NUBPL: variants seen among roughly 807,000 people sequenced by gnomAD.
NUBPL encodes iron-sulfur cluster transfer protein NUBPL.
NUBPL carries 31 observed loss-of-function variants against 45.7 expected under a neutral mutation model. The ratio of observed to expected loss-of-function variants is 0.68; its 90% CI spans 0.51 to 0.92. The LOEUF (loss-of-function observed/expected upper bound fraction) is 0.92, where lower values mean the gene tolerates loss of function less well. Among genes scored for constraint, NUBPL ranks in the 40% least tolerant of loss-of-function variants. NUBPL has a pLI of 0.00. For synonymous variants in NUBPL, 144 were observed against 140.9 expected (o/e 1.02, Z -0.15); for missense variants, 401 against 398.7 (o/e 1.01, Z -0.05).
At chr14:31,631,177 A>G (rs1221582360) in intron 4 of NUBPL, among the ~76,000 whole-genome samples, 1 of 151,898 alleles carries the variant, frequency 6.6e-6, no homozygotes, top group African/African-American at 2.4e-5. Context: ...CTGTAATTCC[A>G]TGTCTAAAAC....
At chr14:31,619,586 T>C (rs977119262) in intron 4 of NUBPL, among the ~76,000 whole-genome samples, 4 of 152,226 alleles carry the variant, frequency 2.6e-5, no homozygotes, top group Non-Finnish European at 4.4e-5. Flanking sequence ...GAAAATTCTT[T>C]TCTTTATGAA....
chr14:31,562,456 C>T (rs922944648), intron 2 of NUBPL, among the ~76,000 whole-genome samples: 1 of 152,138 alleles, frequency 6.6e-6, no homozygotes. Flanking sequence ...TACAGCAAAT[C>T]TTCAGTTCAC....
At chr14:31,627,533 C>T (rs944994734) in intron 4 of NUBPL, among the ~76,000 whole-genome samples, 2 of 151,982 alleles carry the variant, frequency 1.3e-5, no homozygotes, top group Non-Finnish European at 2.9e-5. Flanking sequence ...AATCCCAGCA[C>T]TTTAGGAGGC....
At chr14:31,792,544 A>G (rs1236386400) in intron 7 of NUBPL, among the ~76,000 whole-genome samples, 2 of 152,148 alleles carry the variant, frequency 1.3e-5, no homozygotes, top group Non-Finnish European at 2.9e-5. Context: ...ATAGAGTTGT[A>G]GCAGGCAGTG....
At chr14:31,631,234 G>A (rs2035333851) in intron 4 of NUBPL, among the ~76,000 whole-genome samples, 1 of 151,858 alleles carries the variant, frequency 6.6e-6, no homozygotes, top group South Asian at 2.1e-4. Context: ...ACAGGTGTCT[G>A]TGTGTGTGTG....
At chr14:31,776,314 T>G (rs2039097232) in intron 6 of NUBPL, among the ~76,000 whole-genome samples, 2 of 152,178 alleles carry the variant, frequency 1.3e-5, no homozygotes, top group South Asian at 4.1e-4. Flanking sequence ...CTTTCGTGGC[T>G]CCTTTACAAG....
rs559284588 is a variant in NUBPL, at chr14:31,679,410, T to C, written c.513+5836T>C. Among the ~76,000 whole-genome samples the C allele has an allele frequency of 2.6e-5, 4 of 152,320 alleles. No individual in the cohort carries two copies. In the South Asian group the frequency reaches 8.3e-4, roughly 32 times the overall value. ...TCTCTCTCTTATGTTCTCAAAGCTT[T>C]ATAGTTCTGTCTTGTACATCTTGAA... On this transcript the variant is annotated intron_variant, in intron 6 of 10. Coordinates refer to ENST00000281081, the MANE Select transcript of NUBPL (RefSeq NM_025152.3).
At chr14:31,613,393 A>C (rs73271227) in intron 4 of NUBPL, among the ~76,000 whole-genome samples, 263 of 152,280 alleles carry the variant, frequency 1.7e-3, no homozygotes, top group African/African-American at 5.9e-3. Context: ...ATAGCACAGC[A>C]AGGTAACTGT....
intron 7 of NUBPL, chr14:31,801,204 C>T (rs2039582736): frequency 6.6e-6 from 1 of 152,242 alleles, no homozygotes. Flanking sequence ...CAAATTCTTT[C>T]TCCTCCCACA....
At chr14:31,625,959 A>G (rs2035194188) in intron 4 of NUBPL, among the ~76,000 whole-genome samples, 1 of 152,148 alleles carries the variant, frequency 6.6e-6, no homozygotes, top group Non-Finnish European at 1.5e-5. Context: ...GCATAAAGAG[A>G]AACAAGAGAG....
In NUBPL at chr14:31,561,492, G is replaced by T; in HGVS notation, c.53G>T (p.Gly18Val). The change falls in exon 1 of 11, where the codon GGT becomes GTT. Residue 18 changes from glycine to valine, a missense_variant. By Grantham distance (109) the Gly-to-Val change is moderately radical. Transcript: ENST00000281081. ...TTTGGTGGGGTGTCGCTCCGGGCTG[G>T]TGGCGGGGCCACTGCCCCGCTTGGG... ...LLFGGVSLRA[G>V]GGATAPLGGS... 1 of 1,401,254 alleles carries T rather than the reference G, an allele frequency of 7.1e-7. No individual in the cohort carries two copies. The allele number at this position is 1,401,254 out of a possible 1,614,324, so 86.8% of individuals were successfully genotyped here.
intron 4 of NUBPL, among the ~76,000 whole-genome samples, chr14:31,671,959 T>G (rs1046934132): frequency 6.6e-6 from 1 of 152,216 alleles, no homozygotes; most frequent in Non-Finnish European, 1.5e-5. Context: ...TCCTAGACTT[T>G]TTGCCCAATA....
intron 6 of NUBPL, among the ~76,000 whole-genome samples, chr14:31,707,281 A>G (rs754671309): frequency 7.9e-5 from 12 of 152,258 alleles, no homozygotes; most frequent in Non-Finnish European, 1.6e-4. Context: ...ACAAGGTGGT[A>G]TTGGATTGTT....
chr14:31,673,007 C>G (rs2036608062), intron 4 of NUBPL, among the ~76,000 whole-genome samples: 1 of 152,146 alleles, frequency 6.6e-6, no homozygotes, highest in Non-Finnish European at 1.5e-5. Context: ...TTCAGTTAGA[C>G]AGGGGGAATA....
chr14:31,787,252 C>A (rs1002480411), intron 6 of NUBPL, among the ~76,000 whole-genome samples: 1 of 151,860 alleles, frequency 6.6e-6, no homozygotes, highest in East Asian at 1.9e-4. Context: ...GGTGAATATT[C>A]TGGGTATAAA....
Position 31,807,448 on chromosome 14 carries a change from T to C in NUBPL, c.608-19181T>C, listed in dbSNP as rs1237305908. ...TTGAGAAGTGTCTGTTCATATCCTT[T>C]GCCCACTTTTTGATGGGGTTGTTTG... On this transcript the variant is annotated intron_variant, in intron 7 of 10. Coordinates refer to ENST00000281081, the MANE Select transcript of NUBPL (RefSeq NM_025152.3). 4.6e-5 allele frequency among the ~76,000 whole-genome samples: 7 copies of C among 152,312 alleles called. No homozygotes were observed. In the East Asian group the frequency reaches 5.8e-4, roughly 13 times the overall value.
chr14:31,799,869 A>G (rs2039551396), intron 7 of NUBPL, among the ~76,000 whole-genome samples: 1 of 152,246 alleles, frequency 6.6e-6, no homozygotes, highest in Non-Finnish European at 1.5e-5. Flanking sequence ...TCTTCCTTTC[A>G]GGAAAGATAG....
chr14:31,770,500 T>G (rs779429928), intron 6 of NUBPL, among the ~76,000 whole-genome samples: 8 of 152,098 alleles, frequency 5.3e-5, no homozygotes, highest in Non-Finnish European at 1.0e-4. Context: ...TCTCAAAAGG[T>G]CAATCTTAGG....
At chr14:31,843,587 A>G (rs1303170308) in intron 8 of NUBPL, among the ~76,000 whole-genome samples, 1 of 152,206 alleles carries the variant, frequency 6.6e-6, no homozygotes, top group Non-Finnish European at 1.5e-5. Context: ...ACCTTAATAT[A>G]GCCTACAAGC....
Sources: allele counts gnomAD v4.1 joint callset (sites outside exome capture counted in the v4.1 genomes callset), GRCh38; gene constraint gnomAD v4.1.1; transcripts MANE v1.5; gene names NCBI Gene and HGNC (gene_info 2026-07-23, HGNC 2026-07-21).